Variants in CHD7 observed in about 807,000 individuals in gnomAD.
CHD7 encodes chromodomain helicase DNA binding protein 7.
Under a neutral mutation model 307.3 loss-of-function variants are expected in CHD7, and 24 were observed. That is an observed-to-expected ratio of 0.08 (90% CI 0.06 to 0.11). CHD7 has a LOEUF of 0.11. CHD7 is among the 10% of genes least tolerant of loss of function. The pLI, the probability that CHD7 is intolerant of heterozygous loss-of-function variation, is 1.00. For synonymous variants in CHD7, 1,363 were observed against 1,349.9 expected, an observed-to-expected ratio of 1.01 and a Z score of -0.21; for missense variants, 3,106 against 3,727.1, an observed-to-expected ratio of 0.83 and a Z score of 4.34.
At chr8:60,683,843 A>G (rs1033623659) in intron 1 of CHD7, among the ~76,000 whole-genome samples, 1 of 151,998 alleles carries the variant, frequency 6.6e-6, no homozygotes, top group African/African-American at 2.4e-5. Context: ...AGAATCCTAC[A>G]GCATAGGACA....
chr8:60,759,610 A>C (rs1810075492), intron 2 of CHD7, among the ~76,000 whole-genome samples: 1 of 152,030 alleles, frequency 6.6e-6, no homozygotes, highest in African/African-American at 2.4e-5. Context: ...GTACTCCGTA[A>C]TTGAGAGGTA....
chr8:60,824,642 G>C (rs1804187107), intron 13 of CHD7: 1 of 152,350 alleles, frequency 6.6e-6, no homozygotes, highest in Non-Finnish European at 1.5e-5. Context: ...TTCTCAATGA[G>C]TTGGGTAGGA....
At chr8:60,773,048 A>T (rs932828237) in intron 2 of CHD7, among the ~76,000 whole-genome samples, 1 of 152,228 alleles carries the variant, frequency 6.6e-6, no homozygotes, top group African/African-American at 2.4e-5. Flanking sequence ...AAGCAGCAAC[A>T]ATATCACCCA....
intron 34 of CHD7, among the ~76,000 whole-genome samples, chr8:60,859,348 C>A (rs1391435028): frequency 6.6e-6 from 1 of 152,138 alleles, no homozygotes; most frequent in Non-Finnish European, 1.5e-5. Flanking sequence ...ACTGTGCTGC[C>A]ATGAAAAAGT....
In CHD7 at chr8:60,781,396, G is replaced by A. The variant is rs1187193827; in HGVS notation, c.2062G>A (p.Ala688Thr). The A allele has an allele frequency of 3.9e-6, 6 of 1,525,600 alleles. No individual in the cohort carries two copies. In the African/African-American group the frequency reaches 8.5e-5, roughly 22 times the overall value. 94.5% of individuals were successfully genotyped at this position (1,525,600 alleles called of 1,614,324 possible). ...GCCAAAGGAAAAGAAAGCAAAAACT[G>A]CCACGCCAAAACCCAAATCCAGCAA... ...KEPKEKKAKT[A>T]TPKPKSSKKS... Residue 688 changes from alanine to threonine, a missense_variant, in exon 3 of 38, where the codon GCC becomes ACC. Ala to Thr is a moderately conservative substitution (Grantham distance 58). Around this residue, in one of 10 missense-constraint regions of CHD7, gnomAD observed 998 missense variants for 1,004.5 expected, o/e 0.99. Transcript: ENST00000423902.
intron 2 of CHD7, among the ~76,000 whole-genome samples, chr8:60,760,343 C>G (rs1810117775): frequency 6.7e-6 from 1 of 150,294 alleles, no homozygotes; most frequent in Non-Finnish European, 1.5e-5. Context: ...AAAATCAATT[C>G]AAGATGGATT....
intron 2 of CHD7, among the ~76,000 whole-genome samples, chr8:60,770,812 C>G (rs978634968): frequency 6.6e-6 from 1 of 152,124 alleles, no homozygotes; most frequent in East Asian, 1.9e-4. Flanking sequence ...CGGGTCCTAC[C>G]TCTGCCCAGC....
intron 32 of CHD7, among the ~76,000 whole-genome samples, chr8:60,854,942 C>G (rs998000011): frequency 4.6e-5 from 7 of 152,152 alleles, no homozygotes; most frequent in African/African-American, 1.7e-4. Flanking sequence ...AGAGGGTGTA[C>G]TGTTGACCCA....
intron 8 of CHD7, among the ~76,000 whole-genome samples, chr8:60,817,422 T>A (rs1472842935): frequency 1.3e-5 from 2 of 152,244 alleles, no homozygotes; most frequent in Non-Finnish European, 1.5e-5. Flanking sequence ...CATAAAATTC[T>A]TATACTATCA....
intron 1 of CHD7, among the ~76,000 whole-genome samples, chr8:60,697,922 A>G (rs927709672): frequency 6.6e-6 from 1 of 152,234 alleles, no homozygotes; most frequent in African/African-American, 2.4e-5. Flanking sequence ...GTGTTTGAAC[A>G]TGACCCTCCT....
intron 2 of CHD7, among the ~76,000 whole-genome samples, chr8:60,776,258 C>G (rs1472889240): frequency 6.6e-6 from 1 of 152,168 alleles, no homozygotes; most frequent in Non-Finnish European, 1.5e-5. Context: ...ACTCAGGGCC[C>G]TGAATTCATT....
intron 1 of CHD7, 113 bp from the exon 2 acceptor site, chr8:60,741,146 C>T (rs1396463805): frequency 1.2e-5 from 5 of 426,794 alleles, no homozygotes; most frequent in East Asian, 4.0e-5. Flanking sequence ...GAGCTAGATT[C>T]GTATTGTTGA....
intron 23 of CHD7, among the ~76,000 whole-genome samples, chr8:60,846,301 G>A (rs1024635181): frequency 2.0e-5 from 3 of 152,154 alleles, no homozygotes; most frequent in Non-Finnish European, 4.4e-5. Context: ...TATTACCTCA[G>A]TTGCTGGGTC....
chr8:60,681,307 A>G (rs1353501858), intron 1 of CHD7, among the ~76,000 whole-genome samples: 1 of 152,208 alleles, frequency 6.6e-6, no homozygotes, highest in Non-Finnish European at 1.5e-5. Flanking sequence ...CAGCCCCCAG[A>G]GTACATCTGT....
intron 3 of CHD7, among the ~76,000 whole-genome samples, chr8:60,783,380 A>G (rs1027894332): frequency 1.3e-5 from 2 of 152,210 alleles, no homozygotes; most frequent in Admixed American, 6.5e-5. Context: ...CAGGCATGCC[A>G]TGTCTTCTTG....
chr8:60,724,705 A>T (rs1292220948), intron 1 of CHD7, among the ~76,000 whole-genome samples: 1 of 152,070 alleles, frequency 6.6e-6, no homozygotes, highest in African/African-American at 2.4e-5. Context: ...TTTCTCTATG[A>T]CTTAAGCTGT....
intron 1 of CHD7, among the ~76,000 whole-genome samples, chr8:60,734,872 T>C (rs1294341007): frequency 6.6e-6 from 1 of 152,170 alleles, no homozygotes; most frequent in East Asian, 1.9e-4. Flanking sequence ...AGAGGTATGA[T>C]GTAATCTGTG....
At chr8:60,695,190 G>T (rs1806409001) in intron 1 of CHD7, among the ~76,000 whole-genome samples, 1 of 152,178 alleles carries the variant, frequency 6.6e-6, no homozygotes, top group Non-Finnish European at 1.5e-5. Context: ...CATTTGAGCA[G>T]GGAGAGGTGT....
chr8:60,681,380 C>T (rs1805620614), intron 1 of CHD7, among the ~76,000 whole-genome samples: 1 of 152,188 alleles, frequency 6.6e-6, no homozygotes, highest in East Asian at 1.9e-4. Flanking sequence ...CCTAAAATGG[C>T]AGCTTTCATT....
Sources: gnomAD v4.1 joint callset for allele counts (sites outside exome capture counted in the v4.1 genomes callset) on GRCh38, gnomAD v4.1.1 for gene constraint, gnomAD v4.1.1 regional missense constraint, MANE v1.5 for transcripts, NCBI Gene and HGNC (gene_info 2026-07-23, HGNC 2026-07-21) for gene names.